MAN2A1: variants seen among roughly 807,000 people sequenced by gnomAD.
MAN2A1 encodes the protein alpha-mannosidase 2.
Under a neutral mutation model 142.6 loss-of-function variants are expected in MAN2A1, and 76 were observed. The observed-to-expected ratio is 0.53, with a 90% confidence interval of 0.44 to 0.65. The LOEUF is 0.65. Ranked by LOEUF, MAN2A1 falls within the 30% of genes least tolerant of loss-of-function variation. The probability of loss-of-function intolerance (pLI) is 0.00; values close to 1 mark genes in which losing one functional copy is unlikely to be tolerated. For synonymous variants in MAN2A1, 559 were observed against 473.2 expected (o/e 1.18, Z -2.35); for missense variants, 1,311 against 1,365.1 (o/e 0.96, Z 0.62).
chr5:109,812,360 T>C (rs1377145576), intron 12 of MAN2A1, among the ~76,000 whole-genome samples: 1 of 152,094 alleles, frequency 6.6e-6, no homozygotes, highest in Non-Finnish European at 1.5e-5. Flanking sequence ...AAAGACACTC[T>C]TAGTTTTTAA....
intron 1 of MAN2A1, among the ~76,000 whole-genome samples, chr5:109,710,810 C>A (rs1408338319): frequency 6.6e-6 from 1 of 152,194 alleles, no homozygotes; most frequent in African/African-American, 2.4e-5. Flanking sequence ...CCTGCCTCAG[C>A]CTTCCAAGTA....
chr5:109,794,174 A>G (rs939381524), intron 12 of MAN2A1: 3 of 152,168 alleles, frequency 2.0e-5, no homozygotes, highest in Non-Finnish European at 4.4e-5. Flanking sequence ...TGATAGAGGC[A>G]TTTGGAGCTT....
intron 8 of MAN2A1, among the ~76,000 whole-genome samples, chr5:109,775,781 A>G (rs1403460756): frequency 6.6e-6 from 1 of 152,200 alleles, no homozygotes; most frequent in African/African-American, 2.4e-5. Context: ...CAATAATTTC[A>G]TGATACATAT....
chr5:109,844,841 G>A (rs367913098), intron 17 of MAN2A1, among the ~76,000 whole-genome samples: 20 of 152,234 alleles, frequency 1.3e-4, no homozygotes, highest in African/African-American at 4.8e-4. Context: ...ATTAGGTTAG[G>A]TCCCAACATA....
At chr5:109,705,908 C>G (rs930769723) in intron 1 of MAN2A1, among the ~76,000 whole-genome samples, 6 of 152,176 alleles carry the variant, frequency 3.9e-5, no homozygotes, top group Non-Finnish European at 5.9e-5. Flanking sequence ...TTCCATTTTC[C>G]TCTTTTCCTT....
At chr5:109,697,087 T>A (rs1381502311) in intron 1 of MAN2A1, among the ~76,000 whole-genome samples, 1 of 152,260 alleles carries the variant, frequency 6.6e-6, no homozygotes, top group Non-Finnish European at 1.5e-5. Context: ...TTCTTCCAGC[T>A]GAATTACAGG....
At chr5:109,858,278 C>T (rs538281115) in intron 20 of MAN2A1, among the ~76,000 whole-genome samples, 16 of 152,246 alleles carry the variant, frequency 1.1e-4, no homozygotes, top group Middle Eastern at 3.4e-3. Context: ...GTTTAAAAGC[C>T]CACTAGTAAT....
At chr5:109,791,979 A>G (rs184167087) in intron 12 of MAN2A1, among the ~76,000 whole-genome samples, 2 of 152,236 alleles carry the variant, frequency 1.3e-5, no homozygotes, top group African/African-American at 4.8e-5. Flanking sequence ...ACATGTTGAT[A>G]TGCCTAATTT....
intron 4 of MAN2A1, among the ~76,000 whole-genome samples, chr5:109,741,568 G>A (rs1021188493): frequency 2.0e-5 from 3 of 152,150 alleles, no homozygotes; most frequent in African/African-American, 7.2e-5. Flanking sequence ...CAAGCTAGCT[G>A]TTGCAGAGCA....
Position 109,819,831 on chromosome 5 carries a change from A to T in MAN2A1, c.2272A>T (p.Ile758Leu). Residue 758 changes from isoleucine to leucine, a missense_variant, in exon 14 of 22, where the codon ATA becomes TTA. This residue lies in a region of MAN2A1 where 890 missense variants were observed against 920.5 expected (regional missense o/e 0.97). Transcript: ENST00000261483. ...IKNMINTEEG[I>L]TLENSFVLLR... ...GAATATGATAAATACTGAAGAAGGT[A>T]TAACACTAGAGAACTCCTTTGTTTT... The T allele has an allele frequency of 6.2e-7, 1 of 1,611,494 alleles. No individual in the cohort carries two copies. Among genetic ancestry groups the T allele is most frequent in the Non-Finnish European group, 8.5e-7 (1 of 1,178,750 alleles).
intron 8 of MAN2A1, among the ~76,000 whole-genome samples, chr5:109,776,069 C>CT (rs35427592): frequency 3.0e-4 from 40 of 134,968 alleles, no homozygotes; most frequent in Non-Finnish European, 3.6e-4. Context: ...CTTTTAAAGT[C>CT]TTTTTTTTTT....
At position 109,761,691 on chromosome 5, in the gene MAN2A1, A is replaced by G. The variant is rs78198591; in HGVS notation, c.836-5844A>G. On this transcript the variant is annotated intron_variant, in intron 5 of 21. Transcript: ENST00000261483. ...TGGTTTGTGATACTTAATAAAATGAATTAGGTAGTACTGAATTCTTCCTTG... is the reference window on the plus strand; with the variant it reads ...TGGTTTGTGATACTTAATAAAATGAGTTAGGTAGTACTGAATTCTTCCTTG... Among the ~76,000 whole-genome samples, 977 of 152,134 alleles carry G rather than the reference A, an allele frequency of 6.4e-3. 15 individuals are homozygous for G. The highest frequency in any genetic ancestry group is 0.022 in the African/African-American group (913 of 41,552).
At chr5:109,855,457 T>C in intron 20 of MAN2A1, 123 bp downstream of exon 20, 1 of 581,600 alleles carries the variant, frequency 1.7e-6, no homozygotes, top group Non-Finnish European at 2.7e-6. Flanking sequence ...TTAACAGGGC[T>C]TCACCTTTAG....
At chr5:109,818,110 T>G (rs1284300033) in intron 13 of MAN2A1, among the ~76,000 whole-genome samples, 1 of 152,126 alleles carries the variant, frequency 6.6e-6, no homozygotes, top group African/African-American at 2.4e-5. Flanking sequence ...TGTTTCTGCT[T>G]GACAGAAGCT....
In MAN2A1 at chr5:109,867,681, C is replaced by T. The variant is rs894013252; in HGVS notation, c.*683C>T. 1.3e-5 allele frequency: 2 copies of T among 152,470 alleles called. No individual in the cohort carries two copies. Among genetic ancestry groups the T allele is most frequent in the African/African-American group, 4.8e-5 (2 of 41,396 alleles). The allele number at this position is 152,470 out of a possible 1,614,324, so 9.4% of individuals were successfully genotyped here. A position where few individuals can be genotyped will look rare whatever the true frequency, so the allele number is the denominator to read the frequency against. On this transcript the variant is annotated 3_prime_UTR_variant, in exon 22 of 22. Transcript: ENST00000261483. ...ATTACTTGACAATGTGGGATGGGTG[C>T]AATTTATTCCATCTTCACTAAAATA... is the stretch of plus-strand genomic sequence containing the variant.
intron 6 of MAN2A1, among the ~76,000 whole-genome samples, chr5:109,769,499 CG>C (rs1041280126): frequency 2.0e-5 from 3 of 152,006 alleles, no homozygotes; most frequent in Non-Finnish European, 4.4e-5. Flanking sequence ...AAATAAAGGG[CG>C]GGGGCTATTT....
At chr5:109,719,339 C>T (rs1211001000) in intron 3 of MAN2A1, among the ~76,000 whole-genome samples, 1 of 152,154 alleles carries the variant, frequency 6.6e-6, no homozygotes, top group Non-Finnish European at 1.5e-5. Context: ...GAGAAGAATC[C>T]ACTGACTTAA....
intron 5 of MAN2A1, among the ~76,000 whole-genome samples, chr5:109,757,140 G>A (rs1383401882): frequency 1.3e-5 from 2 of 151,938 alleles, no homozygotes; most frequent in African/African-American, 2.4e-5. Context: ...ATAAATTATA[G>A]GTGTGAGTAC....
rs955781113 is a variant in MAN2A1 at position 109,868,624 on chromosome 5, A to G, written c.*1626A>G. On this transcript the variant is annotated 3_prime_UTR_variant, in exon 22 of 22. Transcript: ENST00000261483. ...CAGCTCCTAAGATTATTGTTATGTTAAATTCATAAACTCCTTCACCTTTAA... is the reference window on the plus strand; with the variant it reads ...CAGCTCCTAAGATTATTGTTATGTTGAATTCATAAACTCCTTCACCTTTAA... The G allele has an allele frequency of 6.6e-6, 1 of 152,200 alleles. No individual in the cohort carries two copies. Among genetic ancestry groups the G allele is most frequent in the Admixed American group, 6.5e-5 (1 of 15,276 alleles). The allele number at this position is 152,200 out of a possible 1,614,324, so 9.4% of individuals were successfully genotyped here. A position where few individuals can be genotyped will look rare whatever the true frequency, so the allele number is the denominator to read the frequency against.
Sources: allele counts gnomAD v4.1 joint callset (sites outside exome capture counted in the v4.1 genomes callset), GRCh38; gene constraint gnomAD v4.1.1; regional missense constraint gnomAD v4.1.1; transcripts MANE v1.5; gene names NCBI Gene and HGNC (gene_info 2026-07-23, HGNC 2026-07-21).